The following BLTP1 variants were observed in gnomAD, a reference collection of about 807,000 sequenced individuals.
BLTP1 encodes fragile site-associated protein.
At chr4:122,211,683 A>AT in the BLTP1 span, among the ~76,000 whole-genome samples, 3 of 152,108 alleles carry the variant, frequency 2.0e-5, no homozygotes, top group Non-Finnish European at 4.4e-5. Context: ...TTTTGGTATA[A>AT]TTTTTTCCAC....
At chr4:122,209,410 C>T in the BLTP1 span, 30 of 1,440,786 alleles carry the variant, frequency 2.1e-5, no homozygotes, top group Admixed American at 1.1e-4. Context: ...TTTGGGAGGC[C>T]GAGATGGGTG....
chr4:122,236,448 C>G, the BLTP1 span, among the ~76,000 whole-genome samples: 1 of 152,158 alleles, frequency 6.6e-6, no homozygotes, highest in Non-Finnish European at 1.5e-5. Flanking sequence ...TTTACACTGG[C>G]ATTTTCTCAT....
At chr4:122,289,017 GT>G in the BLTP1 span, 1 of 1,484,686 alleles carries the variant, frequency 6.7e-7, no homozygotes, top group Non-Finnish European at 9.1e-7. Context: ...TCAGTTTAGG[GT>G]GATTTATGTA....
the BLTP1 span, chr4:122,237,531 G>A: frequency 8.8e-5 from 38 of 429,538 alleles, no homozygotes; most frequent in Non-Finnish European, 1.0e-4. Context: ...AAGTAAATCC[G>A]AATAGAAGAT....
At chr4:122,199,099 T>C in the BLTP1 span, among the ~76,000 whole-genome samples, 17 of 152,146 alleles carry the variant, frequency 1.1e-4, no homozygotes, top group Non-Finnish European at 2.5e-4. Flanking sequence ...GTTTAAAGAA[T>C]AGACTTGTAG....
At chr4:122,223,477 G>A in the BLTP1 span, among the ~76,000 whole-genome samples, 4 of 152,172 alleles carry the variant, frequency 2.6e-5, no homozygotes, top group Non-Finnish European at 2.9e-5. Context: ...GTTAGGTGCA[G>A]TGATACTTAG....
At chr4:122,326,102 G>A in the BLTP1 span, among the ~76,000 whole-genome samples, 2 of 151,342 alleles carry the variant, frequency 1.3e-5, no homozygotes, top group Non-Finnish European at 3.0e-5. Context: ...TTACTTCTGT[G>A]TAGTTTAATA....
At chr4:122,212,152 T>C in the BLTP1 span, 1 of 738,344 alleles carries the variant, frequency 1.4e-6, no homozygotes, top group Non-Finnish European at 1.7e-6. Context: ...CAGGAAGTGC[T>C]GGCTGAACTG....
the BLTP1 span, chr4:122,192,418 T>C: frequency 8.2e-7 from 1 of 1,226,032 alleles, no homozygotes; most frequent in Non-Finnish European, 1.2e-6. Context: ...GTTTTTTAGA[T>C]GTATTTAGAT....
the BLTP1 span, among the ~76,000 whole-genome samples, chr4:122,256,367 A>G: frequency 3.3e-5 from 5 of 152,184 alleles, no homozygotes; most frequent in Admixed American, 2.0e-4. Context: ...AAGCTTGAAC[A>G]GAGAGAATGG....
chr4:122,316,054 T>C, the BLTP1 span, among the ~76,000 whole-genome samples: 1 of 152,170 alleles, frequency 6.6e-6, no homozygotes, highest in Non-Finnish European at 1.5e-5. Flanking sequence ...ATATACTAAA[T>C]GGGTGAGTTT....
chr4:122,212,551 A>G, the BLTP1 span, among the ~76,000 whole-genome samples: 2 of 152,154 alleles, frequency 1.3e-5, no homozygotes, highest in African/African-American at 2.4e-5. Flanking sequence ...TTTGAATACT[A>G]CTAGAGTGGT....
At chr4:122,294,138 G>A in the BLTP1 span, among the ~76,000 whole-genome samples, 2 of 152,172 alleles carry the variant, frequency 1.3e-5, no homozygotes, top group Admixed American at 1.3e-4. Flanking sequence ...GGGGTGGGGC[G>A]CTGCCATCTC....
the BLTP1 span, chr4:122,247,067 GTTT>G: frequency 7.1e-7 from 1 of 1,418,000 alleles, no homozygotes; most frequent in Non-Finnish European, 9.5e-7. Flanking sequence ...AGAGTGTTTT[GTTT>G]TTTTTAAAGG....
chr4:122,159,229 C>T, the BLTP1 span, among the ~76,000 whole-genome samples: 13 of 152,018 alleles, frequency 8.6e-5, no homozygotes, highest in East Asian at 3.9e-4. Context: ...TTTGGGAGGC[C>T]GAGGCAGGTG....
the BLTP1 span, among the ~76,000 whole-genome samples, chr4:122,181,872 G>T: frequency 6.6e-6 from 1 of 152,008 alleles, no homozygotes; most frequent in Admixed American, 6.6e-5. Flanking sequence ...CCAATGTTGT[G>T]CTCCTCTTGA....
chr4:122,270,370 G>A, the BLTP1 span: 35 of 983,576 alleles, frequency 3.6e-5, no homozygotes, highest in Admixed American at 2.5e-4. Context: ...TTGGTGCTTG[G>A]GGCTTATTGT....
the BLTP1 span, chr4:122,164,378 G>T: frequency 6.1e-6 from 6 of 983,854 alleles, 1 homozygote; most frequent in South Asian, 2.8e-4. Context: ...AACAGTATGT[G>T]AGTGCCCAGA....
the BLTP1 span, among the ~76,000 whole-genome samples, chr4:122,352,336 A>G: frequency 6.6e-6 from 1 of 151,000 alleles, no homozygotes; most frequent in South Asian, 2.1e-4. Flanking sequence ...CATTACAGAC[A>G]TATTAGGTTT....
Sources: allele counts gnomAD v4.1 joint callset (sites outside exome capture counted in the v4.1 genomes callset), GRCh38; gene constraint gnomAD v4.1.1; transcripts MANE v1.5; gene names NCBI Gene and HGNC (gene_info 2026-07-23, HGNC 2026-07-21).